Variants in ZBTB21 observed in about 807,000 individuals in gnomAD.
The protein encoded by ZBTB21 is zinc finger and BTB domain-containing protein 21.
ZBTB21 carries 10 observed loss-of-function variants against 39.8 expected under a neutral mutation model. That is an observed-to-expected ratio of 0.25 (90% CI 0.16 to 0.43). The LOEUF is 0.43. ZBTB21 is among the 20% of genes least tolerant of loss of function. The probability of loss-of-function intolerance (pLI) is 1.00; values close to 1 mark genes in which losing one functional copy is unlikely to be tolerated. For synonymous variants in ZBTB21, 551 were observed against 498.8 expected (o/e 1.10, Z -1.40); for missense variants, 1,221 against 1,296.3 (o/e 0.94, Z 0.89).
At chr21:42,006,687 C>T (rs2065883091) in intron 1 of ZBTB21, among the ~76,000 whole-genome samples, 1 of 152,134 alleles carries the variant, frequency 6.6e-6, no homozygotes, top group Non-Finnish European at 1.5e-5. Context: ...ACTCTTCCCT[C>T]CCAAATTTAT....
Position 41,992,168 on chromosome 21 carries a change from T to C in ZBTB21, c.1928A>G (p.Lys643Arg). The change falls in exon 3 of 3, where the codon AAG (lysine) becomes AGG (arginine). Residue 643 changes from lysine to arginine, a missense_variant. Lys to Arg is a conservative substitution (Grantham distance 26). Around this residue, in one of 4 missense-constraint regions of ZBTB21, gnomAD observed 523 missense variants for 542.5 expected, o/e 0.96. Transcript: ENST00000310826. The surrounding 1 kb of genome is among the most constrained non-coding windows in gnomAD (Gnocchi z 4.1). ...GCTACTCTGTCCCTGAAAACCAGGCTTGCCGCGCCTTAACTTAATGATCAG... is the reference window on the plus strand; with the variant it reads ...GCTACTCTGTCCCTGAAAACCAGGCCTGCCGCGCCTTAACTTAATGATCAG... ...KALIIKLRRGKPGFQGQSSSQ... is the reference protein window; with the variant it reads ...KALIIKLRRGRPGFQGQSSSQ... 6.2e-7 allele frequency: 1 copy of C among 1,614,250 alleles called. No homozygotes were observed. Among genetic ancestry groups the C allele is most frequent in the Non-Finnish European group, 8.5e-7 (1 of 1,180,038 alleles).
chr21:42,002,724 C>T (rs534948346), intron 2 of ZBTB21, among the ~76,000 whole-genome samples, 173 bp downstream of exon 2: 4 of 152,200 alleles, frequency 2.6e-5, no homozygotes, highest in African/African-American at 9.7e-5. Context: ...TCATCTCCAC[C>T]TGACTCATCA....
At chr21:41,996,895 T>G (rs1326981891) in intron 2 of ZBTB21, among the ~76,000 whole-genome samples, 1 of 152,170 alleles carries the variant, frequency 6.6e-6, no homozygotes, top group Non-Finnish European at 1.5e-5. Context: ...GGAGTTCCCC[T>G]GCACAAGTTC....
chr21:41,997,581 AAAAAAAAAC>A (rs1331514236), intron 2 of ZBTB21, among the ~76,000 whole-genome samples: 342 of 139,374 alleles, frequency 2.5e-3, no homozygotes, highest in African/African-American at 8.4e-3. Context: ...GTCTCAAAAA[AAAAAAAAAC>A]AAAAAAACAA....
At chr21:42,006,938 C>T (rs1017590196) in intron 1 of ZBTB21, among the ~76,000 whole-genome samples, 25 of 152,208 alleles carry the variant, frequency 1.6e-4, no homozygotes, top group African/African-American at 6.0e-4. Context: ...CTGCTGACAC[C>T]TTGTTCTTGG....
In ZBTB21 at chr21:41,987,467, T is replaced by G. The variant is rs2065593026; in HGVS notation, c.*3428A>C. ...TAAATGAAAACCTATTTTTTAAAAC[T>G]TAAAGTTTAGTAGTCAGTGTTAAAG... On this transcript the variant is annotated 3_prime_UTR_variant, in exon 3 of 3. Coordinates refer to ENST00000310826, the MANE Select transcript of ZBTB21 (RefSeq NM_001098402.2). The G allele has an allele frequency of 1.3e-5, 2 of 152,154 alleles. No homozygotes were observed. The highest frequency in any genetic ancestry group is 2.9e-5 in the Non-Finnish European group (2 of 68,018). The allele number at this position is 152,154 out of a possible 1,614,324, so 9.4% of individuals were successfully genotyped here.
At chr21:42,000,132 A>G (rs1005667420) in intron 2 of ZBTB21, among the ~76,000 whole-genome samples, 2 of 152,174 alleles carry the variant, frequency 1.3e-5, no homozygotes, top group Non-Finnish European at 2.9e-5. Flanking sequence ...ACTGCAGGAG[A>G]AAACAGAAGG....
At position 41,988,666 on chromosome 21, in the gene ZBTB21, CTT is replaced by C. The variant is rs2065610268; in HGVS notation, c.*2227_*2228del. 6.6e-6 allele frequency: 1 copy of C among 151,954 alleles called. No homozygotes were observed. The highest frequency in any genetic ancestry group is 2.4e-5 in the African/African-American group (1 of 41,362). The allele number at this position is 151,954 out of a possible 1,614,324, so 9.4% of individuals were successfully genotyped here. A position where few individuals can be genotyped will look rare whatever the true frequency, so the allele number is the denominator to read the frequency against. ...TTTGGTTCAAAATTTTATTTGAAAT[CTT>C]ATATTCCTTGCTTAGACAAAAATGT... On this transcript the variant is annotated 3_prime_UTR_variant, in exon 3 of 3. Transcript: ENST00000310826.
Position 41,991,669 on chromosome 21 carries a change from A to C in ZBTB21, c.2427T>G (p.Phe809Leu). The change falls in exon 3 of 3, where the codon TTT becomes TTG. Residue 809 changes from phenylalanine (F) to leucine (L), a missense_variant. Physicochemically the swap from Phe to Leu is conservative, Grantham distance 22. Transcript: ENST00000310826. The surrounding 1 kb of genome is among the most constrained non-coding windows in gnomAD (Gnocchi z 4.9). ...CATTGTGGTCCAAAACGGGCAAAGA[A>C]AAGTTTTCGGTGGGTGCCATGTTGT... is the stretch of plus-strand genomic sequence containing the variant. The part of the protein sequence containing the change: ...NQNNMAPTEN[F>L]SLPVLDHNGD... 1 of 1,614,214 alleles carries C rather than the reference A, an allele frequency of 6.2e-7. No individual in the cohort carries two copies. Among genetic ancestry groups the C allele is most frequent in the East Asian group, 2.2e-5 (1 of 44,882 alleles).
intron 2 of ZBTB21, among the ~76,000 whole-genome samples, chr21:41,998,619 G>T (rs1431988125): frequency 1.3e-5 from 2 of 152,196 alleles, no homozygotes; most frequent in Non-Finnish European, 2.9e-5. Context: ...AACTGTAGAT[G>T]AACCAAACTT....
chr21:42,009,977 C>CA (rs2065940732), intron 1 of ZBTB21, among the ~76,000 whole-genome samples: 1 of 152,222 alleles, frequency 6.6e-6, no homozygotes, highest in Non-Finnish European at 1.5e-5. Flanking sequence ...GGGAATGGAG[C>CA]ATGCGCATTC....
chr21:41,993,562 AG>A lies in ZBTB21; in HGVS notation c.533del (p.Pro178LeufsTer18), dbSNP rs2065702750. The A allele has an allele frequency of 6.2e-7, 1 of 1,614,152 alleles. No homozygotes were observed. ...TGGTATTGGCCTTGACTGCAATGCT[AG>A]GAGAGGGCCGGGAAGTATGGCTTAC... ...PDVSHTSRPS[P>X]SIAVKANTNK... On this transcript the variant is annotated frameshift_variant, in exon 3 of 3. Coordinates refer to ENST00000310826, the MANE Select transcript of ZBTB21 (RefSeq NM_001098402.2). LOFTEE classifies it low-confidence loss of function (END_TRUNC).
chr21:41,996,969 C>T (rs2065754811), intron 2 of ZBTB21, among the ~76,000 whole-genome samples: 1 of 152,210 alleles, frequency 6.6e-6, no homozygotes, highest in African/African-American at 2.4e-5. Flanking sequence ...AATTACACAG[C>T]CTCCCCAGTC....
At position 41,993,588 on chromosome 21, in the gene ZBTB21, C is replaced by T; in HGVS notation, c.508G>A (p.Val170Ile). 1 of 1,614,248 alleles carries T rather than the reference C, an allele frequency of 6.2e-7. No individual in the cohort carries two copies. Among genetic ancestry groups the T allele is most frequent in the African/African-American group, 1.3e-5 (1 of 75,078 alleles). The stretch of plus-strand genomic sequence containing the variant: ...GGAGAGGGCCGGGAAGTATGGCTTA[C>T]ATCGGGTTGATTTTGACTAACAGTT... ...GKTVSQNQPD[V>I]SHTSRPSPSI... Residue 170 changes from valine (V) to isoleucine (I), a missense_variant, in exon 3 of 3, where the codon GTA becomes ATA. Transcript: ENST00000310826.
Position 41,990,742 on chromosome 21 carries a change from G to A in ZBTB21, c.*153C>T. The A allele has an allele frequency of 4.4e-6, 3 of 685,396 alleles. No homozygotes were observed. Among genetic ancestry groups the A allele is most frequent in the East Asian group, 6.3e-5 (2 of 31,784 alleles). 42.5% of individuals were successfully genotyped at this position (685,396 alleles called of 1,614,324 possible). On this transcript the variant is annotated 3_prime_UTR_variant, in exon 3 of 3. Coordinates refer to ENST00000310826, the MANE Select transcript of ZBTB21 (RefSeq NM_001098402.2). ...TTTCTAAAGTTAAGGACATTACTAAGTAATTATCAATTTGCCTCCAACTTA... is the reference window on the plus strand; with the variant it reads ...TTTCTAAAGTTAAGGACATTACTAAATAATTATCAATTTGCCTCCAACTTA...
Position 41,992,836 on chromosome 21 carries a change from T to C in ZBTB21, c.1260A>G (p.Gly420=). The C allele has an allele frequency of 1.9e-6, 3 of 1,614,062 alleles. No homozygotes were observed. The highest frequency in any genetic ancestry group is 4.5e-5 in the East Asian group (2 of 44,880). ...FSASQSTDRE[G]ASPVTEVRIK... is the part of the protein sequence containing the mutation. ...TGCGCACCTCAGTCACAGGGGAAGC[T>C]CCCTCCCTGTCTGTTGACTGAGAAG... is the stretch of plus-strand genomic sequence containing the variant. Residue 420 remains glycine, a synonymous_variant, in exon 3 of 3, where the codon GGA becomes GGG. Transcript: ENST00000310826. This position sits in a 1 kb window ranked among gnomAD's most constrained non-coding sequence, Gnocchi z 4.1.
intron 2 of ZBTB21, among the ~76,000 whole-genome samples, chr21:42,000,474 C>T (rs1419553010): frequency 6.6e-6 from 1 of 152,186 alleles, no homozygotes; most frequent in Non-Finnish European, 1.5e-5. Context: ...TAAAACCTCC[C>T]TTCCAAGGGC....
intron 2 of ZBTB21, among the ~76,000 whole-genome samples, chr21:41,998,085 A>C (rs1041377360): frequency 6.6e-6 from 1 of 151,760 alleles, no homozygotes; most frequent in African/African-American, 2.4e-5. Flanking sequence ...GATTAACCCC[A>C]CCATACTCTC....
At position 42,010,334 on chromosome 21, in the gene ZBTB21, G is replaced by C; in HGVS notation, c.-161C>G. ...GCGCCGCAGCCGCCGCTGCCGCTGT[G>C]ATTCCATCCATCTTGAATTTGACGT... On this transcript the variant is annotated 5_prime_UTR_variant, in exon 1 of 3. It adds an upstream start codon to the 5' untranslated region. Coordinates refer to ENST00000310826, the MANE Select transcript of ZBTB21 (RefSeq NM_001098402.2). 2.6e-6 allele frequency: 1 copy of C among 379,570 alleles called. No individual in the cohort carries two copies. The allele number at this position is 379,570 out of a possible 1,614,324, so 23.5% of individuals were successfully genotyped here. A position where few individuals can be genotyped will look rare whatever the true frequency, so the allele number is the denominator to read the frequency against.
Sources: gnomAD v4.1 joint callset for allele counts (sites outside exome capture counted in the v4.1 genomes callset) on GRCh38, gnomAD v4.1.1 for gene constraint, gnomAD v4.1.1 regional missense constraint, Gnocchi (gnomAD v3.1) non-coding constraint, MANE v1.5 for transcripts, NCBI Gene and HGNC (gene_info 2026-07-23, HGNC 2026-07-21) for gene names.